The following COL11A2 variants were observed in gnomAD, a reference collection of about 807,000 sequenced individuals.
COL11A2 encodes the protein collagen alpha-2(XI) chain.
In COL11A2, 116 loss-of-function variants were observed where a neutral mutation model predicts 273.4. The observed-to-expected ratio is 0.42, with a 90% CI of 0.36 to 0.49. The LOEUF is 0.49. Ranked by LOEUF, COL11A2 falls within the 20% of genes least tolerant of loss-of-function variation. The probability of loss-of-function intolerance (pLI) is 0.00; values close to 1 mark genes in which losing one functional copy is unlikely to be tolerated. For missense variants in COL11A2, 1,866 were observed against 2,309.0 expected (o/e 0.81, Z 3.93); for synonymous variants, 782 against 864.2 (o/e 0.90, Z 1.67).
rs543296211 is a variant in COL11A2 at position 33,178,903 on chromosome 6, G to A, written c.1665+17C>T. The A allele has an allele frequency of 7.9e-5, 127 of 1,613,750 alleles. No individual in the cohort carries two copies. The highest frequency in any genetic ancestry group is 9.7e-5 in the Non-Finnish European group (114 of 1,179,938). ...GCTGAAGGCTACAGGCTTCAGGGAG[G>A]GGCCCAAGCCTGTTACCTTCACTCC... is the stretch of plus-strand genomic sequence containing the variant. On this transcript the variant is annotated intron_variant, in intron 17 of 65. Transcript: ENST00000341947. The surrounding 1 kb of genome is among the most constrained non-coding windows in gnomAD (Gnocchi z 4.6).
In COL11A2 at chr6:33,189,923, ACT is replaced by A. The variant is rs1171618961; in HGVS notation, c.83-456_83-455del. 6.6e-6 allele frequency among the ~76,000 whole-genome samples: 1 copy of A among 150,416 alleles called. No individual in the cohort carries two copies. Among genetic ancestry groups the A allele is most frequent in the African/African-American group, 2.5e-5 (1 of 40,730 alleles). ...CCATCTTTTTCTCTCCCTCGCTCTC[ACT>A]CTCTTTCCATATCTCTCACTCTCTG... On this transcript the variant is annotated intron_variant, in intron 1 of 65. Coordinates refer to ENST00000341947, the MANE Select transcript of COL11A2 (RefSeq NM_080680.3). This position sits in a 1 kb window ranked among gnomAD's most constrained non-coding sequence, Gnocchi z 5.6.
Position 33,167,486 on chromosome 6 carries a change from A to G in COL11A2, c.4062T>C (p.Gly1354=). ...IGAPGKTGPV[G]PAGPAGKPGP... ...CAGGTTTCCCTGCTGGGCCTGCAGGACCCACCGGGCCTGTCTTCCCCGGGG... is the reference window on the plus strand; with the variant it reads ...CAGGTTTCCCTGCTGGGCCTGCAGGGCCCACCGGGCCTGTCTTCCCCGGGG... The change falls in exon 56 of 66, where the codon GGT becomes GGC. Residue 1354 remains glycine, a synonymous_variant. Coordinates refer to ENST00000341947, the MANE Select transcript of COL11A2 (RefSeq NM_080680.3). This position sits in a 1 kb window ranked among gnomAD's most constrained non-coding sequence, Gnocchi z 6.1. 3 of 1,612,676 alleles carry G rather than the reference A, an allele frequency of 1.9e-6. No individual in the cohort carries two copies. The highest frequency in any genetic ancestry group is 2.5e-6 in the Non-Finnish European group (3 of 1,179,968).
chr6:33,189,430 G>A lies in COL11A2; in HGVS notation c.122C>T (p.Pro41Leu), dbSNP rs751546076. The stretch of plus-strand genomic sequence containing the variant: ...TCTCCGGACACCATCAGGGAGGGAG[G>A]GGAACCTCAGGGCCCGGAGCACATC... Reference protein sequence around the residue: ...PVDVLRALRFPSLPDGVRRAK... With the variant: ...PVDVLRALRFLSLPDGVRRAK... Residue 41 changes from proline to leucine, a missense_variant, in exon 2 of 66, where the codon CCC becomes CTC. Transcript: ENST00000341947. The surrounding 1 kb of genome is among the most constrained non-coding windows in gnomAD (Gnocchi z 5.6). 1.2e-6 allele frequency: 2 copies of A among 1,613,118 alleles called. No individual in the cohort carries two copies. Among genetic ancestry groups the A allele is most frequent in the East Asian group, 2.2e-5 (1 of 44,880 alleles).
rs1277317244 is a variant in COL11A2, at chr6:33,166,368, G to A, written c.4392+145C>T. 1 of 1,224,896 alleles carries A rather than the reference G, an allele frequency of 8.2e-7. No individual in the cohort carries two copies. The highest frequency in any genetic ancestry group is 1.1e-6 in the Non-Finnish European group (1 of 871,190). 75.9% of individuals were successfully genotyped at this position (1,224,896 alleles called of 1,614,324 possible). ...ATTCAGAGCCCTGGAAGTATGGGGA[G>A]GAGGTACTGGTGGTGACAGGACAAA... On this transcript the variant is annotated intron_variant, in intron 60 of 65. Coordinates refer to ENST00000341947, the MANE Select transcript of COL11A2 (RefSeq NM_080680.3). The surrounding 1 kb of genome is among the most constrained non-coding windows in gnomAD (Gnocchi z 4.8).
At position 33,166,663 on chromosome 6, in the gene COL11A2, C is replaced by A; in HGVS notation, c.4338+57G>T. 2 of 1,610,890 alleles carry A rather than the reference C, an allele frequency of 1.2e-6. No homozygotes were observed. Among genetic ancestry groups the A allele is most frequent in the East Asian group, 2.2e-5 (1 of 44,850 alleles). ...CAGCTGAGTCCCAACTCCAACTCCA[C>A]CCCTCTCCACCCCACTCTCAACCCC... On this transcript the variant is annotated intron_variant, in intron 59 of 65. Transcript: ENST00000341947. The surrounding 1 kb of genome is among the most constrained non-coding windows in gnomAD (Gnocchi z 4.8).
chr6:33,192,449 G>T lies in COL11A2; in HGVS notation c.-209C>A. The T allele has an allele frequency of 3.3e-6, 2 of 599,042 alleles. No individual in the cohort carries two copies. Among genetic ancestry groups the T allele is most frequent in the Non-Finnish European group, 5.9e-6 (2 of 336,564 alleles). The allele number at this position is 599,042 out of a possible 1,614,324, so 37.1% of individuals were successfully genotyped here. ...GGCTCCCGGCACTGCTCCCTCCTCG[G>T]TGGCTGCCGCTTCTGTGTGTCCCCG... On this transcript the variant is annotated 5_prime_UTR_variant, in exon 1 of 66. Coordinates refer to ENST00000341947, the MANE Select transcript of COL11A2 (RefSeq NM_080680.3).
intron 3 of COL11A2, 126 bp from the exon 4 acceptor site, chr6:33,188,650 AT>A (rs1326050893): frequency 9.3e-7 from 1 of 1,077,606 alleles, no homozygotes; most frequent in Non-Finnish European, 1.4e-6. Context: ...AATGGCTACC[AT>A]TTATTGAGTG....
At chr6:33,181,562 C>G (rs1020069472) in intron 8 of COL11A2, among the ~76,000 whole-genome samples, 2 of 152,136 alleles carry the variant, frequency 1.3e-5, no homozygotes, top group African/African-American at 4.8e-5. Context: ...ACAACCTCTG[C>G]CTTCCAGGTT....
intron 3 of COL11A2, 113 bp downstream of exon 3, chr6:33,188,865 G>T: frequency 8.2e-7 from 1 of 1,212,240 alleles, no homozygotes; most frequent in Non-Finnish European, 1.2e-6. Context: ...CAGTGGGTAG[G>T]TGTGGTGTGG....
rs1412844078 is a variant in COL11A2 at position 33,190,548 on chromosome 6, C to T, written c.83-1079G>A. ...AATCCCAAAGAGAGTTCCAGCAAAA[C>T]TTTCATAGAAGTGTGGGGCAGGGCA... is the stretch of plus-strand genomic sequence containing the variant. On this transcript the variant is annotated intron_variant, in intron 1 of 65. Coordinates refer to ENST00000341947, the MANE Select transcript of COL11A2 (RefSeq NM_080680.3). The surrounding 1 kb of genome is among the most constrained non-coding windows in gnomAD (Gnocchi z 4.5). Among the ~76,000 whole-genome samples, 1 of 150,250 alleles carries T rather than the reference C, an allele frequency of 6.7e-6. No homozygotes were observed. The highest frequency in any genetic ancestry group is 1.5e-5 in the Non-Finnish European group (1 of 67,498).
At position 33,167,440 on chromosome 6, in the gene COL11A2, G is replaced by A; in HGVS notation, c.4108C>T (p.Leu1370Phe). The change falls in exon 56 of 66, where the codon CTC (leucine) becomes TTC (phenylalanine). Residue 1370 changes from leucine (L) to phenylalanine (F), a missense_variant. Leu to Phe is a conservative substitution (Grantham distance 22, BLOSUM62 0). Coordinates refer to ENST00000341947, the MANE Select transcript of COL11A2 (RefSeq NM_080680.3). The surrounding 1 kb of genome is among the most constrained non-coding windows in gnomAD (Gnocchi z 6.1). ...CAGTGACTCACCACTGAGCCTGGGA[G>A]CCCCCTCAGACCATCAGGGCCAGGT... ...GKPGPDGLRG[L>F]PGSVGQQGRP... 3 of 1,612,860 alleles carry A rather than the reference G, an allele frequency of 1.9e-6. No individual in the cohort carries two copies. Among genetic ancestry groups the A allele is most frequent in the Non-Finnish European group, 2.5e-6 (3 of 1,180,008 alleles).
Position 33,176,250 on chromosome 6 carries a change from G to T in COL11A2, c.2214+9C>A, listed in dbSNP as rs1157012185. 1 of 1,608,338 alleles carries T rather than the reference G, an allele frequency of 6.2e-7. No homozygotes were observed. The highest frequency in any genetic ancestry group is 8.5e-7 in the Non-Finnish European group (1 of 1,177,746). On this transcript the variant is annotated intron_variant, in intron 28 of 65. Transcript: ENST00000341947. The surrounding 1 kb of genome is among the most constrained non-coding windows in gnomAD (Gnocchi z 4.9). ...TGAGGTGCTGGGAAGCTGGGGGCATGGTGCTCACCTTCTCACCCTTATGAC... is the reference window on the plus strand; with the variant it reads ...TGAGGTGCTGGGAAGCTGGGGGCATTGTGCTCACCTTCTCACCCTTATGAC...
rs1465589117 is a variant in COL11A2, at chr6:33,180,724, T to C, written c.1228A>G (p.Ile410Val). 1.6e-5 allele frequency: 26 copies of C among 1,610,900 alleles called. No homozygotes were observed. In the Admixed American group the frequency reaches 4.4e-4, roughly 27 times the overall value. The change falls in exon 11 of 66, where the codon ATT (isoleucine) becomes GTT (valine). Residue 410 changes from isoleucine to valine, a missense_variant. By Grantham distance (29) the Ile-to-Val change is conservative. Transcript: ENST00000341947. The part of the protein sequence containing the change: ...PPGPEGPAGL[I>V]GPPGIQGNPG... ...TTCCCCTGGATGCCAGGGGGACCAA[T>C]CAATCCCTGAGGAACAAAAGAGTAG...
In COL11A2 at chr6:33,178,240, T is replaced by C. The variant is rs1401605743; in HGVS notation, c.1819-55A>G. The C allele has an allele frequency of 9.9e-6, 16 of 1,612,654 alleles. No individual in the cohort carries two copies. Among genetic ancestry groups the C allele is most frequent in the Non-Finnish European group, 1.3e-5 (15 of 1,179,862 alleles). The stretch of plus-strand genomic sequence containing the variant: ...ATGAATGGATAAAACTGTGTCCCTT[T>C]AGTGCTCATGTCCCCCTCCTGGCTT... On this transcript the variant is annotated intron_variant, in intron 20 of 65. Transcript: ENST00000341947. This position sits in a 1 kb window ranked among gnomAD's most constrained non-coding sequence, Gnocchi z 4.6.
chr6:33,191,960 C>T (rs567610709), intron 1 of COL11A2, among the ~76,000 whole-genome samples, 199 bp downstream of exon 1: 38 of 152,338 alleles, frequency 2.5e-4, no homozygotes, highest in Middle Eastern at 3.4e-3. Context: ...TGCCCTCCCC[C>T]AGTCACTTCA....
Position 33,167,858 on chromosome 6 carries a change from G to A in COL11A2, c.3961-6C>T. ...CCAGGCGAGCCAGCAGGACCCTGCA[G>A]GTGGAGTGGGAAGGAAGAGCACATG... is the stretch of plus-strand genomic sequence containing the variant. On this transcript the variant is annotated splice_polypyrimidine_tract_variant and splice_region_variant and intron_variant, in intron 54 of 65. Coordinates refer to ENST00000341947, the MANE Select transcript of COL11A2 (RefSeq NM_080680.3). This position sits in a 1 kb window ranked among gnomAD's most constrained non-coding sequence, Gnocchi z 6.1. 1 of 1,612,910 alleles carries A rather than the reference G, an allele frequency of 6.2e-7. No homozygotes were observed. The highest frequency in any genetic ancestry group is 8.5e-7 in the Non-Finnish European group (1 of 1,179,960).
Position 33,178,702 on chromosome 6 carries a change from G to T in COL11A2, c.1696C>A (p.Leu566Ile). 1 of 1,612,904 alleles carries T rather than the reference G, an allele frequency of 6.2e-7. No individual in the cohort carries two copies. The highest frequency in any genetic ancestry group is 8.5e-7 in the Non-Finnish European group (1 of 1,179,960). Reference protein sequence around the residue: ...GDRGFDGLPGLPGEKGHRGDT... With the variant: ...GDRGFDGLPGIPGEKGHRGDT... ...ACCCTATGGCCCTTCTCTCCAGGGAGCCCTGGGAGTCCATCAAAACCTCGG... is the reference window on the plus strand; with the variant it reads ...ACCCTATGGCCCTTCTCTCCAGGGATCCCTGGGAGTCCATCAAAACCTCGG... Residue 566 changes from leucine to isoleucine, a missense_variant, in exon 18 of 66, where the codon CTC becomes ATC. Coordinates refer to ENST00000341947, the MANE Select transcript of COL11A2 (RefSeq NM_080680.3). This position sits in a 1 kb window ranked among gnomAD's most constrained non-coding sequence, Gnocchi z 4.6.
intron 4 of COL11A2, among the ~76,000 whole-genome samples, chr6:33,188,091 G>A (rs1448223348): frequency 6.6e-6 from 1 of 151,980 alleles, no homozygotes; most frequent in African/African-American, 2.4e-5. Context: ...GGGTGGGTGA[G>A]GAGAGAGAGG....
At position 33,179,851 on chromosome 6, in the gene COL11A2, T is replaced by A. The variant is rs370101476; in HGVS notation, c.1360-46A>T. The A allele has an allele frequency of 5.1e-6, 8 of 1,565,858 alleles. No individual in the cohort carries two copies. In the African/African-American group the frequency reaches 1.1e-4, roughly 21 times the overall value. ...TCCAGGTTCTCTTCCAAGAAAGCCA[T>A]GGGACCCTCCCAGCCAGAGGCTTTC... On this transcript the variant is annotated intron_variant, in intron 12 of 65. Coordinates refer to ENST00000341947, the MANE Select transcript of COL11A2 (RefSeq NM_080680.3). This position sits in a 1 kb window ranked among gnomAD's most constrained non-coding sequence, Gnocchi z 6.4.
Sources: allele counts gnomAD v4.1 joint callset (sites outside exome capture counted in the v4.1 genomes callset), GRCh38; gene constraint gnomAD v4.1.1; non-coding constraint Gnocchi (gnomAD v3.1); transcripts MANE v1.5; gene names NCBI Gene and HGNC (gene_info 2026-07-23, HGNC 2026-07-21).